DGKI: variants seen among roughly 807,000 people sequenced by gnomAD.
DGKI encodes the protein diacylglycerol kinase iota, also known as DAG kinase iota.
A neutral mutation model predicts 147.5 loss-of-function variants in DGKI; 55 were observed. That is an observed-to-expected ratio of 0.37 (90% CI 0.30 to 0.47). The LOEUF (loss-of-function observed/expected upper bound fraction) is 0.47, where lower values mean the gene tolerates loss of function less well. Ranked by LOEUF, DGKI falls within the 20% of genes least tolerant of loss-of-function variation. The probability of loss-of-function intolerance (pLI) is 1.00; values close to 1 mark genes in which losing one functional copy is unlikely to be tolerated. For missense variants in DGKI, 1,007 were observed against 1,323.8 expected (o/e 0.76, Z 3.71); for synonymous variants, 469 against 477.1 (o/e 0.98, Z 0.22).
intron 27 of DGKI, among the ~76,000 whole-genome samples, chr7:137,446,973 T>C (rs1272193711): frequency 2.0e-5 from 3 of 152,244 alleles, no homozygotes; most frequent in Non-Finnish European, 4.4e-5. Context: ...ATACTTTATC[T>C]TGGAGCAAGC....
intron 22 of DGKI, among the ~76,000 whole-genome samples, 154 bp downstream of exon 22, chr7:137,487,456 A>T (rs1270530274): frequency 6.6e-6 from 1 of 152,166 alleles, no homozygotes; most frequent in Admixed American, 6.5e-5. Flanking sequence ...AGACAGTGGG[A>T]GAGGGTGACA....
In DGKI at chr7:137,577,318, G is replaced by A. The variant is rs146892357; in HGVS notation, c.1699-34C>T. On this transcript the variant is annotated intron_variant, in intron 16 of 32. Coordinates refer to ENST00000614521, the MANE Select transcript of DGKI (RefSeq NM_001321708.2). ...CAGGGAAATAAAGAAGAAGAAATTCGTAATTACATGGTGATACCAAATCCT... is the reference window on the plus strand; with the variant it reads ...CAGGGAAATAAAGAAGAAGAAATTCATAATTACATGGTGATACCAAATCCT... The A allele has an allele frequency of 3.3e-4, 479 of 1,440,468 alleles. 1 individual carries two copies. The highest frequency in any genetic ancestry group is 7.6e-4 in the Admixed American group (41 of 54,074). The allele number at this position is 1,440,468 out of a possible 1,614,324, so 89.2% of individuals were successfully genotyped here. A position where few individuals can be genotyped will look rare whatever the true frequency, so the allele number is the denominator to read the frequency against.
At chr7:137,620,687 A>G (rs1820715897) in intron 7 of DGKI, among the ~76,000 whole-genome samples, 1 of 152,206 alleles carries the variant, frequency 6.6e-6, no homozygotes, top group Non-Finnish European at 1.5e-5. Context: ...TAACAATACC[A>G]CAGTATTAGG....
intron 26 of DGKI, among the ~76,000 whole-genome samples, chr7:137,465,243 T>C (rs1471339446): frequency 2.6e-5 from 4 of 152,220 alleles, no homozygotes; most frequent in Admixed American, 2.6e-4. Context: ...TCAAGGTCAC[T>C]AGAATGATGG....
intron 20 of DGKI, chr7:137,546,013 A>C (rs1454812844): frequency 2.9e-6 from 2 of 698,100 alleles, no homozygotes; most frequent in African/African-American, 3.5e-5. Flanking sequence ...GACAGCGTGG[A>C]CAGACAAGGA....
At chr7:137,472,300 T>TTAAATATTA in intron 23 of DGKI, among the ~76,000 whole-genome samples, 1 of 1,576 alleles carries the variant, frequency 6.3e-4, no homozygotes, top group African/African-American at 9.5e-4. Flanking sequence ...ATGTGTATAT[T>TTAAATATTA]TATGTGTATA....
chr7:137,718,489 C>T (rs2116601731), intron 1 of DGKI, among the ~76,000 whole-genome samples: 1 of 152,272 alleles, frequency 6.6e-6, no homozygotes, highest in Non-Finnish European at 1.5e-5. Flanking sequence ...GAGGCAACGC[C>T]AAAGGCTTTT....
chr7:137,639,000 A>G (rs1311360915), intron 6 of DGKI, among the ~76,000 whole-genome samples: 1 of 152,186 alleles, frequency 6.6e-6, no homozygotes, highest in Non-Finnish European at 1.5e-5. Context: ...ACACTGCTTT[A>G]CATATATGAT....
At position 137,570,932 on chromosome 7, in the gene DGKI, A is replaced by G. The variant is rs1277109937; in HGVS notation, c.1947+243T>C. ...TAGCATAAAAACTTTTCATTCTGTT[A>G]GAAAATTAATCAGGAAAAGTAAGAA... On this transcript the variant is annotated intron_variant, in intron 19 of 32. Transcript: ENST00000614521. Among the ~76,000 whole-genome samples the G allele has an allele frequency of 3.3e-5, 5 of 152,202 alleles. 1 individual carries two copies. In the South Asian group the frequency reaches 1.0e-3, roughly 32 times the overall value.
intron 6 of DGKI, among the ~76,000 whole-genome samples, chr7:137,643,437 C>A (rs1377044021): frequency 1.3e-5 from 2 of 151,954 alleles, no homozygotes; most frequent in African/African-American, 4.8e-5. Flanking sequence ...GCTTTCCTGT[C>A]CAGGGTGGAA....
At chr7:137,394,291 GATTTTT>G (rs1811469604) in intron 32 of DGKI, among the ~76,000 whole-genome samples, 1 of 152,126 alleles carries the variant, frequency 6.6e-6, no homozygotes, top group Non-Finnish European at 1.5e-5. Context: ...GTGTGTGTGT[GATTTTT>G]ATTTTTTCAG....
chr7:137,625,869 A>C (rs945962358), intron 6 of DGKI, among the ~76,000 whole-genome samples: 2 of 151,952 alleles, frequency 1.3e-5, no homozygotes, highest in African/African-American at 4.8e-5. Context: ...GGCCCACTAG[A>C]CTCTGTGTCC....
chr7:137,780,303 G>A, intron 1 of DGKI, among the ~76,000 whole-genome samples: 1 of 152,328 alleles, frequency 6.6e-6, no homozygotes, highest in East Asian at 1.9e-4. Flanking sequence ...ATGGTATTTA[G>A]AGTAATGATG....
intron 1 of DGKI, among the ~76,000 whole-genome samples, chr7:137,841,921 C>A (rs1349426706): frequency 6.6e-6 from 1 of 152,142 alleles, no homozygotes; most frequent in Non-Finnish European, 1.5e-5. Context: ...CCACAGGACC[C>A]AATAGTGTCA....
chr7:137,678,711 T>G lies in DGKI; in HGVS notation c.511-59A>C. The G allele has an allele frequency of 2.0e-6, 3 of 1,473,164 alleles. No homozygotes were observed. The South Asian group carries it at 3.4e-5, about 17-fold the overall frequency. 91.3% of individuals were successfully genotyped at this position (1,473,164 alleles called of 1,614,324 possible). A position where few individuals can be genotyped will look rare whatever the true frequency, so the allele number is the denominator to read the frequency against. ...TTTTTTCCAGGGATAAGGAAAACTA[T>G]TTCAAATTTAGATTTGGGATACAAG... On this transcript the variant is annotated intron_variant, in intron 2 of 32. Transcript: ENST00000614521.
At position 137,388,836 on chromosome 7, in the gene DGKI, A is replaced by G. The variant is rs1811260042; in HGVS notation, c.*2384T>C. The G allele has an allele frequency of 6.6e-6, 1 of 152,054 alleles. No individual in the cohort carries two copies. The highest frequency in any genetic ancestry group is 1.5e-5 in the Non-Finnish European group (1 of 68,016). The allele number at this position is 152,054 out of a possible 1,614,324, so 9.4% of individuals were successfully genotyped here. A position where few individuals can be genotyped will look rare whatever the true frequency, so the allele number is the denominator to read the frequency against. On this transcript the variant is annotated 3_prime_UTR_variant, in exon 33 of 33. Transcript: ENST00000614521. ...TTTTTTGGTTTGAAAAAATTTCCAAATGCATCAGGAATCTTACAGTACCAA... is the reference window on the plus strand; with the variant it reads ...TTTTTTGGTTTGAAAAAATTTCCAAGTGCATCAGGAATCTTACAGTACCAA...
intron 20 of DGKI, among the ~76,000 whole-genome samples, chr7:137,533,337 A>C (rs1319898431): frequency 6.6e-6 from 1 of 152,222 alleles, no homozygotes; most frequent in South Asian, 2.1e-4. Context: ...GATGAAGGAG[A>C]AACAAACACA....
chr7:137,503,047 T>C (rs1199293331), intron 21 of DGKI, among the ~76,000 whole-genome samples: 8 of 152,080 alleles, frequency 5.3e-5, no homozygotes, highest in Non-Finnish European at 7.4e-5. Context: ...GTCAGACACA[T>C]TCTCGTGAAC....
chr7:137,612,108 A>C (rs767426497), intron 8 of DGKI, among the ~76,000 whole-genome samples: 7 of 152,138 alleles, frequency 4.6e-5, no homozygotes, highest in African/African-American at 9.7e-5. Flanking sequence ...TTTGATGATC[A>C]AGCACGTATG....
Sources: gnomAD v4.1 joint callset for allele counts (sites outside exome capture counted in the v4.1 genomes callset) on GRCh38, gnomAD v4.1.1 for gene constraint, MANE v1.5 for transcripts, NCBI Gene and HGNC (gene_info 2026-07-23, HGNC 2026-07-21) for gene names.